Variants in PRMT8 observed in about 807,000 individuals in gnomAD.
The protein encoded by PRMT8 is protein arginine N-methyltransferase 8.
Under a neutral mutation model 47.1 loss-of-function variants are expected in PRMT8, and 7 were observed. That is an observed-to-expected ratio of 0.15 (90% CI 0.08 to 0.28). The LOEUF (loss-of-function observed/expected upper bound fraction) is 0.28. PRMT8 is among the 10% of genes least tolerant of loss of function. The pLI is 1.00. For synonymous variants in PRMT8, 188 were observed against 186.5 expected, an observed-to-expected ratio of 1.01 and a Z score of -0.07; for missense variants, 237 against 505.4, an observed-to-expected ratio of 0.47 and a Z score of 5.09.
intron 1 of PRMT8, among the ~76,000 whole-genome samples, chr12:3,516,669 T>C (rs1334223433): frequency 1.3e-5 from 2 of 152,110 alleles, no homozygotes; most frequent in Non-Finnish European, 2.9e-5. Context: ...AAGGAAATAA[T>C]GTATACAGTG....
chr12:3,396,559 G>A (rs140064219), intron 1 of PRMT8, among the ~76,000 whole-genome samples: 1,597 of 152,332 alleles, frequency 0.01, 21 homozygotes, highest in African/African-American at 0.034. Flanking sequence ...CTTCTGGCTT[G>A]TAGAGTTTCT....
chr12:3,445,985 T>C (rs1864851824), intron 1 of PRMT8, among the ~76,000 whole-genome samples: 1 of 152,076 alleles, frequency 6.6e-6, no homozygotes, highest in Non-Finnish European at 1.5e-5. Flanking sequence ...ACTAGATTGA[T>C]AAGCCTTCAC....
At chr12:3,465,182 T>A (rs932541035) in intron 1 of PRMT8, among the ~76,000 whole-genome samples, 4 of 143,174 alleles carry the variant, frequency 2.8e-5, no homozygotes, top group Non-Finnish European at 6.1e-5. Context: ...TTTATATATA[T>A]ATTTTATAAA....
chr12:3,435,263 C>T (rs551310986), intron 1 of PRMT8, among the ~76,000 whole-genome samples: 48 of 152,144 alleles, frequency 3.2e-4, no homozygotes, highest in African/African-American at 1.1e-3. Context: ...GCCACCCGGT[C>T]CAGCCTGCTT....
At chr12:3,387,241 C>G (rs1393543466) in intron 1 of PRMT8, among the ~76,000 whole-genome samples, 1 of 152,164 alleles carries the variant, frequency 6.6e-6, no homozygotes, top group Non-Finnish European at 1.5e-5. Context: ...AAAAAGCACA[C>G]AGCAACAATA....
At chr12:3,553,212 G>T (rs1866458014) in intron 3 of PRMT8, 1 of 219,144 alleles carries the variant, frequency 4.6e-6, no homozygotes, top group South Asian at 8.4e-5. Context: ...TCCCATCCTG[G>T]CACGCGGCTC....
intron 1 of PRMT8, among the ~76,000 whole-genome samples, chr12:3,455,278 C>T (rs1864962511): frequency 6.6e-6 from 1 of 152,176 alleles, no homozygotes; most frequent in African/African-American, 2.4e-5. Flanking sequence ...CAGTCCCTCA[C>T]GAAAGCACCA....
intron 2 of PRMT8, among the ~76,000 whole-genome samples, chr12:3,542,476 C>T (rs947170118): frequency 2.0e-5 from 3 of 152,222 alleles, no homozygotes; most frequent in African/African-American, 7.2e-5. Flanking sequence ...TCTGCGAAGG[C>T]CCCTTCCTCA....
At chr12:3,388,718 T>C (rs1454428530) in intron 1 of PRMT8, among the ~76,000 whole-genome samples, 1 of 146,990 alleles carries the variant, frequency 6.8e-6, no homozygotes, top group Non-Finnish European at 1.5e-5. Context: ...CATCAGGCTG[T>C]CTCTAAAGCC....
At chr12:3,471,559 A>G (rs1332296704) in intron 1 of PRMT8, among the ~76,000 whole-genome samples, 1 of 147,708 alleles carries the variant, frequency 6.8e-6, no homozygotes, top group African/African-American at 2.5e-5. Flanking sequence ...CTCCTCAGTC[A>G]CCCCCCCTTG....
intron 8 of PRMT8, among the ~76,000 whole-genome samples, chr12:3,591,098 C>G (rs1056196462): frequency 2.0e-5 from 3 of 152,132 alleles, no homozygotes; most frequent in African/African-American, 7.2e-5. Flanking sequence ...GGAAGGATTT[C>G]AGAGACAGCT....
At chr12:3,447,144 TGGAAGG>T (rs1278657934) in intron 1 of PRMT8, among the ~76,000 whole-genome samples, 1 of 152,130 alleles carries the variant, frequency 6.6e-6, no homozygotes, top group East Asian at 1.9e-4. Context: ...GAAAAGCACC[TGGAAGG>T]GGAAGGGGTG....
chr12:3,551,909 G>A (rs529754712), intron 3 of PRMT8: 4 of 152,776 alleles, frequency 2.6e-5, no homozygotes, highest in African/African-American at 4.8e-5. Context: ...AGAGAAAGGT[G>A]CAGAGAAAAG....
At chr12:3,505,090 C>T (rs12299657) in intron 1 of PRMT8, among the ~76,000 whole-genome samples, 2 of 144,194 alleles carry the variant, frequency 1.4e-5, no homozygotes, top group Admixed American at 7.0e-5. Flanking sequence ...CACTGGCCTG[C>T]GCCCACTGTC....
intron 1 of PRMT8, among the ~76,000 whole-genome samples, chr12:3,455,245 C>A (rs114646555): frequency 6.6e-6 from 1 of 152,212 alleles, no homozygotes; most frequent in Non-Finnish European, 1.5e-5. Context: ...AGTGGGCATA[C>A]GAACCTGTTG....
intron 1 of PRMT8, among the ~76,000 whole-genome samples, chr12:3,449,528 A>G (rs1258957477): frequency 1.3e-5 from 2 of 152,154 alleles, no homozygotes; most frequent in Non-Finnish European, 2.9e-5. Flanking sequence ...GGCTGCATAA[A>G]TGTCTTCTTT....
At chr12:3,505,191 C>T (rs529294509) in intron 1 of PRMT8, among the ~76,000 whole-genome samples, 4 of 151,988 alleles carry the variant, frequency 2.6e-5, no homozygotes, top group Non-Finnish European at 4.4e-5. Context: ...AGCTGTAGAC[C>T]GGAGCTGTTC....
chr12:3,582,188 GGGCCAGCAAGCAGCA>G (rs1867079727), intron 7 of PRMT8, among the ~76,000 whole-genome samples: 2 of 152,170 alleles, frequency 1.3e-5, no homozygotes, highest in South Asian at 2.1e-4. Context: ...CTGCCTCACG[GGGCCAGCAAGCAGCA>G]GGCCAGCATT....
chr12:3,560,644 C>T (rs1444061934), intron 4 of PRMT8, among the ~76,000 whole-genome samples: 2 of 152,214 alleles, frequency 1.3e-5, no homozygotes, highest in Non-Finnish European at 2.9e-5. Context: ...AACCCGTTTA[C>T]TTCCCAGAAA....
Sources: gnomAD v4.1 joint callset for allele counts (sites outside exome capture counted in the v4.1 genomes callset) on GRCh38, gnomAD v4.1.1 for gene constraint, MANE v1.5 for transcripts, NCBI Gene and HGNC (gene_info 2026-07-23, HGNC 2026-07-21) for gene names.